Variants in PDE4D observed in about 807,000 individuals in gnomAD.
The protein encoded by PDE4D is 3',5'-cyclic-AMP phosphodiesterase 4D.
Under a neutral mutation model 87.4 loss-of-function variants are expected in PDE4D, and 24 were observed. The observed-to-expected ratio is 0.27, with a 90% confidence interval of 0.20 to 0.39. PDE4D has a LOEUF of 0.39. PDE4D is among the 10% of genes least tolerant of loss of function. The pLI is 1.00. For missense variants in PDE4D, 714 were observed against 1,041.0 expected, an observed-to-expected ratio of 0.69 and a Z score of 4.32; for synonymous variants, 384 against 383.2, an observed-to-expected ratio of 1.00 and a Z score of -0.02.
chr5:60,216,501 C>G (rs923223925), intron 1 of PDE4D, among the ~76,000 whole-genome samples: 1 of 152,006 alleles, frequency 6.6e-6, no homozygotes, highest in East Asian at 1.9e-4. Flanking sequence ...GACAAATTGG[C>G]AGCATAGATT....
At chr5:59,678,627 G>A (rs1748507246) in intron 1 of PDE4D, among the ~76,000 whole-genome samples, 1 of 152,160 alleles carries the variant, frequency 6.6e-6, no homozygotes, top group Non-Finnish European at 1.5e-5. Flanking sequence ...CACAGTGCCT[G>A]GATATTTCTG....
chr5:59,988,114 T>G (rs908425283), intron 3 of PDE4D: 6 of 166,502 alleles, frequency 3.6e-5, no homozygotes, highest in Non-Finnish European at 6.4e-5. Flanking sequence ...TTTGCATCAG[T>G]GAACATTTCC....
chr5:59,736,820 G>A (rs1758137964), intron 1 of PDE4D, among the ~76,000 whole-genome samples: 1 of 152,092 alleles, frequency 6.6e-6, no homozygotes. Context: ...GTAAACACCT[G>A]GAAACATTCC....
chr5:59,401,451 T>TCTAC (rs921391397), intron 1 of PDE4D, among the ~76,000 whole-genome samples: 1 of 128,620 alleles, frequency 7.8e-6, no homozygotes, highest in Non-Finnish European at 1.6e-5. Context: ...AGACTATCTA[T>TCTAC]CTATCTATCT....
chr5:59,183,062 AT>A (rs1742024416), intron 4 of PDE4D, among the ~76,000 whole-genome samples: 1 of 152,174 alleles, frequency 6.6e-6, no homozygotes, highest in South Asian at 2.1e-4. Flanking sequence ...AAAGGTTCTG[AT>A]TCTCCCAGGG....
At chr5:59,764,708 T>A (rs1469099886) in intron 1 of PDE4D, among the ~76,000 whole-genome samples, 2 of 135,708 alleles carry the variant, frequency 1.5e-5, no homozygotes, top group East Asian at 4.3e-4. Context: ...CAGGCTGGAG[T>A]GCAGTGGCAC....
chr5:59,461,490 T>A (rs1018885093), intron 1 of PDE4D, among the ~76,000 whole-genome samples: 1 of 152,172 alleles, frequency 6.6e-6, no homozygotes, highest in Non-Finnish European at 1.5e-5. Flanking sequence ...AGTCATTTGG[T>A]AATTAAGAAA....
intron 1 of PDE4D, among the ~76,000 whole-genome samples, chr5:59,480,283 G>A (rs1431812364): frequency 6.6e-6 from 1 of 151,758 alleles, no homozygotes; most frequent in Non-Finnish European, 1.5e-5. Context: ...TAGAATAAAT[G>A]TAACATTAGA....
chr5:59,081,616 T>C (rs1766793917), intron 5 of PDE4D, among the ~76,000 whole-genome samples: 1 of 152,010 alleles, frequency 6.6e-6, no homozygotes, highest in Admixed American at 6.6e-5. Context: ...CATATGGTTA[T>C]ACAATTATCA....
intron 5 of PDE4D, among the ~76,000 whole-genome samples, chr5:59,108,045 G>A (rs10070138): frequency 0.049 from 7,503 of 152,266 alleles, 604 homozygotes; most frequent in African/African-American, 0.17. Flanking sequence ...AGACCAGCAG[G>A]ACTGCCCGGC....
intron 1 of PDE4D, among the ~76,000 whole-genome samples, chr5:59,677,003 C>T (rs910947469): frequency 6.6e-6 from 1 of 151,446 alleles, no homozygotes; most frequent in African/African-American, 2.4e-5. Context: ...TTCTAGCTTA[C>T]ATTTTTTGAG....
At chr5:60,222,180 G>T (rs1462442352) in intron 1 of PDE4D, among the ~76,000 whole-genome samples, 1 of 152,022 alleles carries the variant, frequency 6.6e-6, no homozygotes, top group Non-Finnish European at 1.5e-5. Flanking sequence ...TCACTCCAGG[G>T]CACGTCAGCT....
intron 1 of PDE4D, among the ~76,000 whole-genome samples, chr5:59,462,621 C>A (rs1800943315): frequency 6.6e-6 from 1 of 152,152 alleles, no homozygotes; most frequent in Non-Finnish European, 1.5e-5. Context: ...ATGGAGGGCC[C>A]TTGCAGGTGT....
chr5:60,256,680 A>G (rs1262669655), intron 1 of PDE4D, among the ~76,000 whole-genome samples: 4 of 151,946 alleles, frequency 2.6e-5, no homozygotes, highest in Non-Finnish European at 5.9e-5. Flanking sequence ...GAGGATTTGT[A>G]AGGCAACATA....
chr5:60,459,427 C>A (rs553380684), intron 1 of PDE4D, among the ~76,000 whole-genome samples: 1 of 151,978 alleles, frequency 6.6e-6, no homozygotes. Context: ...TAGACAGATA[C>A]ATGTTGGTAA....
At chr5:59,556,773 T>TA (rs905766204) in intron 1 of PDE4D, among the ~76,000 whole-genome samples, 11 of 151,656 alleles carry the variant, frequency 7.3e-5, no homozygotes, top group Middle Eastern at 3.4e-3. Context: ...CATTCTGAAT[T>TA]AAAAAAAAAT....
intron 1 of PDE4D, among the ~76,000 whole-genome samples, chr5:59,294,314 G>A (rs987001121): frequency 2.0e-5 from 3 of 152,158 alleles, no homozygotes; most frequent in African/African-American, 7.2e-5. Context: ...ACTCTAGGGA[G>A]TACCATTTTT....
chr5:60,303,397 C>T (rs1352757389), intron 1 of PDE4D, among the ~76,000 whole-genome samples: 3 of 151,208 alleles, frequency 2.0e-5, no homozygotes, highest in Admixed American at 6.6e-5. Flanking sequence ...CAAGCTCCGC[C>T]TCCCGGGTTC....
intron 2 of PDE4D, among the ~76,000 whole-genome samples, chr5:60,134,304 C>T (rs1309912312): frequency 3.9e-5 from 6 of 152,064 alleles, no homozygotes; most frequent in African/African-American, 1.4e-4. Flanking sequence ...TGAGACCTAC[C>T]TAAGTGACAT....
Sources: allele counts gnomAD v4.1 joint callset (sites outside exome capture counted in the v4.1 genomes callset), GRCh38; gene constraint gnomAD v4.1.1; transcripts MANE v1.5; gene names NCBI Gene and HGNC (gene_info 2026-07-23, HGNC 2026-07-21).